Variants in METTL24 observed in about 807,000 individuals in gnomAD.
The protein encoded by METTL24 is methyltransferase like 24.
In METTL24, 29 loss-of-function variants were observed where a neutral mutation model predicts 32.7. The ratio of observed to expected loss-of-function variants is 0.89; its 90% CI spans 0.66 to 1.21. The LOEUF is 1.21. Among genes scored for constraint, METTL24 ranks in the 50% most tolerant of loss-of-function variants. METTL24 has a pLI of 0.00. For missense variants in METTL24, 439 were observed against 468.1 expected (o/e 0.94, Z 0.57); for synonymous variants, 163 against 179.5 (o/e 0.91, Z 0.73).
chr6:110,303,222 C>T lies in METTL24; in HGVS notation c.558-4072G>A, dbSNP rs113189892. Among the ~76,000 whole-genome samples, 612 of 152,186 alleles carry T rather than the reference C, an allele frequency of 4.0e-3. 3 individuals carry two copies. The highest frequency in any genetic ancestry group is 0.014 in the African/African-American group (571 of 41,518). ...CCACCAGAGCCCTGGGTTTCAAGCA[C>T]AAAATTGGGCAGCCATTTGGGCAGA... On this transcript the variant is annotated intron_variant, in intron 3 of 4. Transcript: ENST00000338882.
intron 1 of METTL24, among the ~76,000 whole-genome samples, chr6:110,339,329 AAAT>A (rs1332043988): frequency 1.3e-5 from 2 of 152,232 alleles, no homozygotes; most frequent in African/African-American, 2.4e-5. Context: ...CAAGTTATTG[AAAT>A]GACATAATTT....
intron 1 of METTL24, among the ~76,000 whole-genome samples, chr6:110,347,887 C>T (rs1250683380): frequency 6.6e-6 from 1 of 152,160 alleles, no homozygotes; most frequent in Admixed American, 6.5e-5. Context: ...AATACAAACA[C>T]TAACAAAAAT....
chr6:110,315,358 G>C lies in METTL24; in HGVS notation c.541C>G (p.Arg181Gly). Residue 181 changes from arginine to glycine, a missense_variant, in exon 3 of 5, where the codon CGC (arginine) becomes GGC (glycine). Arg to Gly is a moderately radical substitution (Grantham distance 125). Transcript: ENST00000338882. ...LAHQIRNKQC[R>G]LYSLGLGSDD... is the part of the protein sequence containing the mutation. The stretch of plus-strand genomic sequence containing the variant: ...TGTACTCACCCTAAGGAGTAGAGGC[G>C]GCACTGCTTGTTGCGGATTTGATGA... The C allele has an allele frequency of 6.2e-7, 1 of 1,614,136 alleles. No homozygotes were observed. Among genetic ancestry groups the C allele is most frequent in the Non-Finnish European group, 8.5e-7 (1 of 1,180,026 alleles).
At position 110,345,059 on chromosome 6, in the gene METTL24, C is replaced by T. The variant is rs114365820; in HGVS notation, c.318+12896G>A. On this transcript the variant is annotated intron_variant, in intron 1 of 4. Transcript: ENST00000338882. ...CTGACATAGGTCTAATATCCAGCAT[C>T]TATGAGGAACTTACATTTATAAGAA... 5.5e-3 allele frequency among the ~76,000 whole-genome samples: 844 copies of T among 152,160 alleles called. 7 individuals carry two copies. Among genetic ancestry groups the T allele is most frequent in the African/African-American group, 0.019 (782 of 41,502 alleles).
chr6:110,273,441 A>G (rs998701158), intron 4 of METTL24, among the ~76,000 whole-genome samples: 1 of 152,204 alleles, frequency 6.6e-6, no homozygotes, highest in Non-Finnish European at 1.5e-5. Flanking sequence ...CAGCCCACAG[A>G]GTGGGAGAAA....
intron 4 of METTL24, among the ~76,000 whole-genome samples, chr6:110,261,895 A>G (rs1442048869): frequency 6.6e-6 from 1 of 152,226 alleles, no homozygotes; most frequent in African/African-American, 2.4e-5. Context: ...GAAGGCAGAA[A>G]TAAAGATGTT....
At chr6:110,274,448 G>T (rs1239362334) in intron 4 of METTL24, among the ~76,000 whole-genome samples, 1 of 152,094 alleles carries the variant, frequency 6.6e-6, no homozygotes, top group Non-Finnish European at 1.5e-5. Flanking sequence ...TTATAAGTGG[G>T]ACTAAGCTAT....
At chr6:110,315,683 T>A (rs1771807764) in intron 2 of METTL24, among the ~76,000 whole-genome samples, 1 of 152,156 alleles carries the variant, frequency 6.6e-6, no homozygotes, top group Non-Finnish European at 1.5e-5. Flanking sequence ...ATAAGTAATC[T>A]CATGGAGACT....
chr6:110,323,442 G>C (rs1298195517), intron 1 of METTL24, among the ~76,000 whole-genome samples: 1 of 152,174 alleles, frequency 6.6e-6, no homozygotes, highest in African/African-American at 2.4e-5. Context: ...GGCTGGGGAG[G>C]GTGGCTTTCT....
rs543824228 is a variant in METTL24, at chr6:110,346,620, T to C, written c.318+11335A>G. The stretch of plus-strand genomic sequence containing the variant: ...CCCCGGTTCAAGTGATTCTCCTGCC[T>C]CAGCCTCCCAAGTAGCTGGGATTAC... On this transcript the variant is annotated intron_variant, in intron 1 of 4. Transcript: ENST00000338882. Among the ~76,000 whole-genome samples, 12 of 151,722 alleles carry C rather than the reference T, an allele frequency of 7.9e-5. No homozygotes were observed. The East Asian group carries it at 2.3e-3, about 30-fold the overall frequency.
intron 4 of METTL24, among the ~76,000 whole-genome samples, chr6:110,287,874 C>G (rs1482483442): frequency 2.6e-5 from 4 of 152,158 alleles, no homozygotes; most frequent in Non-Finnish European, 5.9e-5. Context: ...AAGCAAGGCT[C>G]CAGCTTGAGG....
rs1332853842 is a variant in METTL24, at chr6:110,244,263, C to A, written c.*1683G>T. Among the ~76,000 whole-genome samples the A allele has an allele frequency of 2.0e-5, 3 of 151,984 alleles. No individual in the cohort carries two copies. Among genetic ancestry groups the A allele is most frequent in the Non-Finnish European group, 4.4e-5 (3 of 68,010 alleles). Reference sequence around the variant, plus strand: ...GTGGGTGGTAAATCATGTTTGAAGGCAGAAGAGGCAACAGCAAAGATACCC... The same window carrying A: ...GTGGGTGGTAAATCATGTTTGAAGGAAGAAGAGGCAACAGCAAAGATACCC... On this transcript the variant is annotated 3_prime_UTR_variant, in exon 5 of 5. Coordinates refer to ENST00000338882, the MANE Select transcript of METTL24 (RefSeq NM_001123364.3).
chr6:110,354,912 A>C (rs1004748043), intron 1 of METTL24, among the ~76,000 whole-genome samples: 2 of 152,214 alleles, frequency 1.3e-5, no homozygotes, highest in Non-Finnish European at 2.9e-5. Flanking sequence ...GAGACTAAAA[A>C]CTTAATATTT....
At chr6:110,303,204 AGCCCTGGG>A (rs1771568900) in intron 3 of METTL24, among the ~76,000 whole-genome samples, 1 of 151,946 alleles carries the variant, frequency 6.6e-6, no homozygotes, top group African/African-American at 2.4e-5. Context: ...ACACCACCAG[AGCCCTGGG>A]TTTCAAGCAC....
chr6:110,267,548 C>T (rs117556818), intron 4 of METTL24, among the ~76,000 whole-genome samples: 484 of 152,250 alleles, frequency 3.2e-3, no homozygotes, highest in Non-Finnish European at 6.0e-3. Context: ...TGAAAAGTTC[C>T]TAACATTTGT....
At chr6:110,281,056 C>T (rs1212526737) in intron 4 of METTL24, among the ~76,000 whole-genome samples, 1 of 152,110 alleles carries the variant, frequency 6.6e-6, no homozygotes, top group East Asian at 1.9e-4. Flanking sequence ...AAATTTTCTA[C>T]AGTGAACATA....
chr6:110,253,858 T>G, intron 4 of METTL24: 1 of 1,408,556 alleles, frequency 7.1e-7, no homozygotes, highest in Non-Finnish European at 9.3e-7. Context: ...GTCAATAAAT[T>G]TTCCTCTAAA....
In METTL24 at chr6:110,308,599, G is replaced by A. The variant is rs540687804; in HGVS notation, c.557+6743C>T. Among the ~76,000 whole-genome samples the A allele has an allele frequency of 2.2e-4, 34 of 152,168 alleles. No individual in the cohort carries two copies. In the East Asian group the frequency reaches 5.6e-3, roughly 25 times the overall value. Reference sequence around the variant, plus strand: ...AATGCAAAATGGTATATAGCTAAGAGAAATGAAAACATAAGTCCACATAAA... The same window carrying A: ...AATGCAAAATGGTATATAGCTAAGAAAAATGAAAACATAAGTCCACATAAA... On this transcript the variant is annotated intron_variant, in intron 3 of 4. Coordinates refer to ENST00000338882, the MANE Select transcript of METTL24 (RefSeq NM_001123364.3).
chr6:110,349,089 G>C (rs1455285199), intron 1 of METTL24, among the ~76,000 whole-genome samples: 1 of 152,286 alleles, frequency 6.6e-6, no homozygotes, highest in African/African-American at 2.4e-5. Flanking sequence ...CCCAAACAGC[G>C]AACGTGAAAC....
Sources: gnomAD v4.1 joint callset for allele counts (sites outside exome capture counted in the v4.1 genomes callset) on GRCh38, gnomAD v4.1.1 for gene constraint, MANE v1.5 for transcripts, NCBI Gene and HGNC (gene_info 2026-07-23, HGNC 2026-07-21) for gene names.